Variants in CBLB observed in about 807,000 individuals in gnomAD.
The protein encoded by CBLB is E3 ubiquitin-protein ligase CBL-B.
CBLB carries 31 observed loss-of-function variants against 104.9 expected under a neutral mutation model. That is an observed-to-expected ratio of 0.30 (90% CI 0.22 to 0.40). CBLB has a LOEUF of 0.40. CBLB is among the 10% of genes least tolerant of loss of function. The pLI, the probability that CBLB is intolerant of heterozygous loss-of-function variation, is 1.00. For synonymous variants in CBLB, 440 were observed against 422.6 expected, an observed-to-expected ratio of 1.04 and a Z score of -0.51; for missense variants, 1,062 against 1,214.6, an observed-to-expected ratio of 0.87 and a Z score of 1.87.
At chr3:105,827,852 T>C (rs1488813032) in intron 3 of CBLB, among the ~76,000 whole-genome samples, 1 of 152,218 alleles carries the variant, frequency 6.6e-6, no homozygotes, top group Non-Finnish European at 1.5e-5. Context: ...TAGTTAATAA[T>C]GTTTTATTTC....
chr3:105,683,328 T>C (rs1005241684), intron 14 of CBLB, among the ~76,000 whole-genome samples: 2 of 152,206 alleles, frequency 1.3e-5, no homozygotes, highest in African/African-American at 4.8e-5. Context: ...CAAAAGAAGA[T>C]ACTTCATCCA....
intron 9 of CBLB, 66 bp from the exon 10 acceptor site, chr3:105,720,316 A>T (rs2072611836): frequency 7.0e-7 from 1 of 1,419,328 alleles, no homozygotes; most frequent in South Asian, 1.2e-5. Context: ...AATGCTAATA[A>T]TGTTCTACAA....
At chr3:105,677,792 A>G (rs1168026318) in intron 17 of CBLB, among the ~76,000 whole-genome samples, 1 of 149,148 alleles carries the variant, frequency 6.7e-6, no homozygotes, top group Middle Eastern at 3.3e-3. Flanking sequence ...TAGTTTACTA[A>G]TATTAAACAA....
Position 105,737,695 on chromosome 3 carries a change from C to T in CBLB, c.984-437G>A, listed in dbSNP as rs183091479. Among the ~76,000 whole-genome samples, 307 of 152,206 alleles carry T rather than the reference C, an allele frequency of 2.0e-3. 2 individuals are homozygous for T. The highest frequency in any genetic ancestry group is 7.1e-3 in the African/African-American group (293 of 41,548). On this transcript the variant is annotated intron_variant, in intron 7 of 18. Coordinates refer to ENST00000394030, the MANE Select transcript of CBLB (RefSeq NM_170662.5). ...ATGGAAAGAAAAATATAATTAAAGG[C>T]CACAGTTTTCTTGTAAGTTACTCAA...
chr3:105,727,583 T>C (rs147450729), intron 9 of CBLB, among the ~76,000 whole-genome samples: 2 of 152,202 alleles, frequency 1.3e-5, no homozygotes, highest in Non-Finnish European at 1.5e-5. Context: ...TTTGTTGCCA[T>C]TGCTTTTAGT....
intron 4 of CBLB, among the ~76,000 whole-genome samples, chr3:105,771,030 C>A (rs1348769315): frequency 1.3e-5 from 2 of 152,282 alleles, no homozygotes; most frequent in Middle Eastern, 3.4e-3. Flanking sequence ...AAGAGGGAAT[C>A]CTCCGTAAAT....
intron 4 of CBLB, among the ~76,000 whole-genome samples, chr3:105,770,051 T>G (rs2078678138): frequency 6.6e-6 from 1 of 152,098 alleles, no homozygotes; most frequent in Non-Finnish European, 1.5e-5. Context: ...GTTTGGAAAT[T>G]TATGTCTAAA....
intron 3 of CBLB, among the ~76,000 whole-genome samples, chr3:105,838,731 T>C (rs928633170): frequency 2.0e-5 from 3 of 149,108 alleles, no homozygotes; most frequent in Admixed American, 1.3e-4. Context: ...CTCACTGCAA[T>C]CTCCACCTAC....
At chr3:105,700,425 T>TGTTAGAAGAAGTGTGA (rs2068928692) in intron 12 of CBLB, among the ~76,000 whole-genome samples, 1 of 151,982 alleles carries the variant, frequency 6.6e-6, no homozygotes, top group African/African-American at 2.4e-5. Flanking sequence ...TCTAACACTC[T>TGTTAGAAGAAGTGTGA]TCCCAAGACA....
intron 3 of CBLB, among the ~76,000 whole-genome samples, chr3:105,819,765 A>G (rs1441529716): frequency 1.3e-5 from 2 of 152,054 alleles, no homozygotes; most frequent in African/African-American, 4.8e-5. Context: ...TTGATACACA[A>G]TTTTCCTATT....
chr3:105,751,758 A>T, intron 4 of CBLB, 140 bp from the exon 5 acceptor site: 1 of 736,596 alleles, frequency 1.4e-6, no homozygotes. Context: ...AATATTGTTC[A>T]TATTTCAGAA....
At chr3:105,743,526 G>A (rs551586028) in intron 6 of CBLB, among the ~76,000 whole-genome samples, 13 of 150,514 alleles carry the variant, frequency 8.6e-5, no homozygotes, top group African/African-American at 1.9e-4. Flanking sequence ...TCATGTTGAC[G>A]AGGTGGTTTA....
At chr3:105,724,174 A>G (rs1559966363) in intron 9 of CBLB, 1 of 172,710 alleles carries the variant, frequency 5.8e-6, no homozygotes, top group Non-Finnish European at 1.3e-5. Context: ...TCCCACAGAA[A>G]CTCAATAACT....
intron 17 of CBLB, among the ~76,000 whole-genome samples, chr3:105,676,946 C>G (rs554730178): frequency 3.2e-4 from 49 of 152,298 alleles, no homozygotes; most frequent in African/African-American, 1.2e-3. Context: ...TCCCCTTCAC[C>G]TCTGCCATGA....
chr3:105,803,437 C>T (rs1173313158), intron 3 of CBLB, among the ~76,000 whole-genome samples: 3 of 152,038 alleles, frequency 2.0e-5, no homozygotes, highest in East Asian at 1.9e-4. Flanking sequence ...AGCATAAAGA[C>T]GTTCAGAGTT....
Position 105,867,551 on chromosome 3 carries a change from G to A in CBLB, c.27C>T (p.Asn9=), listed in dbSNP as rs1314392853. 7 of 1,613,906 alleles carry A rather than the reference G, an allele frequency of 4.3e-6. No individual in the cohort carries two copies. The highest frequency in any genetic ancestry group is 5.9e-6 in the Non-Finnish European group (7 of 1,180,012). The stretch of plus-strand genomic sequence containing the variant: ...GGGGATTTCCTCCTCGACCACCAGG[G>A]TTTCTGCCATTCATTGAGTTTGCCA... MANSMNGR[N]PGGRGGNPRK... Residue 9 remains asparagine (N), a synonymous_variant, in exon 2 of 19, where the codon AAC becomes AAT. Transcript: ENST00000394030.
chr3:105,832,735 G>C (rs1285961530), intron 3 of CBLB, among the ~76,000 whole-genome samples: 3 of 152,120 alleles, frequency 2.0e-5, no homozygotes, highest in Admixed American at 1.3e-4. Context: ...TCACTAAATA[G>C]GATGTAGCTC....
chr3:105,838,306 G>A (rs1174219086), intron 3 of CBLB, among the ~76,000 whole-genome samples: 1 of 129,790 alleles, frequency 7.7e-6, no homozygotes, highest in Non-Finnish European at 1.5e-5. Context: ...TGTTACCCAG[G>A]CTCCTAACAC....
At chr3:105,673,207 T>TAC (rs2065256415) in intron 17 of CBLB, 1 of 152,146 alleles carries the variant, frequency 6.6e-6, no homozygotes, top group South Asian at 2.1e-4. Flanking sequence ...TAGCTGAGAC[T>TAC]ACAGGCGCGA....
Sources: allele counts gnomAD v4.1 joint callset (sites outside exome capture counted in the v4.1 genomes callset), GRCh38; gene constraint gnomAD v4.1.1; transcripts MANE v1.5; gene names NCBI Gene and HGNC (gene_info 2026-07-23, HGNC 2026-07-21).